Variants in CPEB2 observed in about 807,000 individuals in gnomAD.
CPEB2 encodes cytoplasmic polyadenylation element-binding protein 2.
Under a neutral mutation model 93.6 loss-of-function variants are expected in CPEB2, and 56 were observed. That is an observed-to-expected ratio of 0.60 (90% CI 0.48 to 0.75). The LOEUF (loss-of-function observed/expected upper bound fraction) is 0.75, where lower values mean the gene tolerates loss of function less well. CPEB2 is among the 30% of genes least tolerant of loss of function. The pLI is 0.00. For missense variants in CPEB2, 1,579 were observed against 1,395.1 expected (o/e 1.13, Z -2.10); for synonymous variants, 764 against 586.3 (o/e 1.30, Z -4.38).
At chr4:15,055,505 A>G (rs1173687299) in intron 8 of CPEB2, among the ~76,000 whole-genome samples, 1 of 152,134 alleles carries the variant, frequency 6.6e-6, no homozygotes, top group Non-Finnish European at 1.5e-5. Flanking sequence ...GTATTGAGTT[A>G]TTTTGTAATG....
At chr4:15,016,415 A>C (rs891577097) in intron 3 of CPEB2, among the ~76,000 whole-genome samples, 3 of 151,994 alleles carry the variant, frequency 2.0e-5, no homozygotes, top group African/African-American at 7.2e-5. Flanking sequence ...TCAAATAAGC[A>C]AGTGAAGGGA....
intron 6 of CPEB2, among the ~76,000 whole-genome samples, chr4:15,048,359 G>A (rs552867513): frequency 5.3e-5 from 8 of 151,700 alleles, no homozygotes; most frequent in Admixed American, 2.0e-4. Context: ...TTTCTCTGTC[G>A]GAAGATTTTT....
chr4:15,008,450 T>C lies in CPEB2; in HGVS notation c.2034+23T>C, dbSNP rs1011002516. On this transcript the variant is annotated intron_variant, in intron 3 of 11. Coordinates refer to ENST00000538197, the MANE Select transcript of CPEB2 (RefSeq NM_001177382.2). ...CAGGTAGGCTGCACAGTGTATACTT[T>C]TTAGGATTTCGGTTAGGAGTTTAGT... 4 of 1,547,876 alleles carry C rather than the reference T, an allele frequency of 2.6e-6. No individual in the cohort carries two copies. In the African/African-American group the frequency reaches 4.1e-5, roughly 16 times the overall value.
chr4:15,054,256 T>C (rs189416213), intron 8 of CPEB2, 39 bp downstream of exon 8: 415 of 1,441,400 alleles, frequency 2.9e-4, no homozygotes, highest in Non-Finnish European at 3.5e-4. Context: ...AGGAAATTGG[T>C]TGTATGAGAG....
At chr4:15,012,537 G>T (rs1355398075) in intron 3 of CPEB2, among the ~76,000 whole-genome samples, 1 of 152,134 alleles carries the variant, frequency 6.6e-6, no homozygotes. Flanking sequence ...GGTTATCTAT[G>T]TAGAACAACT....
At chr4:15,017,643 A>G (rs1724323388) in intron 4 of CPEB2, among the ~76,000 whole-genome samples, 1 of 151,882 alleles carries the variant, frequency 6.6e-6, no homozygotes, top group African/African-American at 2.4e-5. Flanking sequence ...CAGTGATTCC[A>G]GCCTAGAATT....
At chr4:15,065,398 G>A (rs1039976841) in intron 11 of CPEB2, among the ~76,000 whole-genome samples, 4 of 152,034 alleles carry the variant, frequency 2.6e-5, no homozygotes, top group Admixed American at 6.6e-5. Context: ...CATTCATAAA[G>A]TTATCACAAG....
At chr4:15,020,244 C>A (rs901096594) in intron 4 of CPEB2, among the ~76,000 whole-genome samples, 1 of 152,070 alleles carries the variant, frequency 6.6e-6, no homozygotes, top group African/African-American at 2.4e-5. Flanking sequence ...CATAGATCAG[C>A]TCTGCTCAAT....
chr4:15,059,108 A>G (rs1011524975), intron 9 of CPEB2, 79 bp from the exon 10 acceptor site: 8 of 782,824 alleles, frequency 1.0e-5, no homozygotes, highest in East Asian at 5.1e-5. Flanking sequence ...AAGAATCACT[A>G]TTAACTGGCA....
chr4:15,010,172 T>G (rs551441846), intron 3 of CPEB2, among the ~76,000 whole-genome samples: 2 of 152,164 alleles, frequency 1.3e-5, no homozygotes, highest in Admixed American at 1.3e-4. Context: ...CCTCATAATC[T>G]TTATGACATT....
In CPEB2 at chr4:15,003,594, G is replaced by A; in HGVS notation, c.921G>A (p.Val307=). 6.8e-7 allele frequency: 1 copy of A among 1,476,270 alleles called. No individual in the cohort carries two copies. Among genetic ancestry groups the A allele is most frequent in the Non-Finnish European group, 8.9e-7 (1 of 1,117,926 alleles). 91.4% of individuals were successfully genotyped at this position (1,476,270 alleles called of 1,614,324 possible). A position where few individuals can be genotyped will look rare whatever the true frequency, so the allele number is the denominator to read the frequency against. The change falls in exon 1 of 12, where the codon GTG becomes GTA. Residue 307 remains valine (V), a synonymous_variant. Coordinates refer to ENST00000538197, the MANE Select transcript of CPEB2 (RefSeq NM_001177382.2). ...PNAGLASSTP[V]NPAPGSMESP... is the part of the protein sequence containing the mutation. ...CGGGCTTGGCCTCCTCGACGCCGGTGAACCCCGCGCCGGGCTCCATGGAGT... is the reference window on the plus strand; with the variant it reads ...CGGGCTTGGCCTCCTCGACGCCGGTAAACCCCGCGCCGGGCTCCATGGAGT...
chr4:15,003,972 C>T lies in CPEB2; in HGVS notation c.1299C>T (p.Gly433=), dbSNP rs770226810. Residue 433 remains glycine (G), a synonymous_variant, in exon 1 of 12, where the codon GGC becomes GGT. Coordinates refer to ENST00000538197, the MANE Select transcript of CPEB2 (RefSeq NM_001177382.2). ...CCACCCCGGGCGGCGGCAGCGGCGG[C>T]TCGCTCAGCGCCATGCCGCCGCCCA... ...SATTPGGGSG[G]SLSAMPPPSP... 1 of 1,386,928 alleles carries T rather than the reference C, an allele frequency of 7.2e-7. No homozygotes were observed. The highest frequency in any genetic ancestry group is 3.0e-5 in the East Asian group (1 of 32,840). The allele number at this position is 1,386,928 out of a possible 1,614,324, so 85.9% of individuals were successfully genotyped here. A position where few individuals can be genotyped will look rare whatever the true frequency, so the allele number is the denominator to read the frequency against.
At chr4:15,056,297 G>A (rs188451202) in intron 8 of CPEB2, among the ~76,000 whole-genome samples, 1 of 152,236 alleles carries the variant, frequency 6.6e-6, no homozygotes, top group African/African-American at 2.4e-5. Flanking sequence ...TTCCAGGCAG[G>A]AATGGAAATA....
In CPEB2 at chr4:15,003,858, G is replaced by C. The variant is rs1296400706; in HGVS notation, c.1185G>C (p.Gln395His). ...CCGCGTCGCCGCCACCCCAGCCCCA[G>C]CAGCCGCCGCCGACCCAGCCGCAGC... ...VQTASPPPQPQQPPPTQPQQQ... is the reference protein window; with the variant it reads ...VQTASPPPQPHQPPPTQPQQQ... Residue 395 changes from glutamine (Q) to histidine (H), a missense_variant, in exon 1 of 12, where the codon CAG becomes CAC. Gln to His is a conservative substitution (Grantham distance 24, BLOSUM62 0). This residue lies in a region of CPEB2 where 1,411 missense variants were observed against 1,056.0 expected (regional missense o/e 1.34). Transcript: ENST00000538197. 6 of 853,500 alleles carry C rather than the reference G, an allele frequency of 7.0e-6. No individual in the cohort carries two copies. The African/African-American group carries it at 7.4e-5, about 10-fold the overall frequency. 52.9% of individuals were successfully genotyped at this position (853,500 alleles called of 1,614,324 possible). A position where few individuals can be genotyped will look rare whatever the true frequency, so the allele number is the denominator to read the frequency against.
At position 15,003,704 on chromosome 4, in the gene CPEB2, G is replaced by T. The variant is rs1376489675; in HGVS notation, c.1031G>T (p.Ser344Ile). 2.1e-6 allele frequency: 3 copies of T among 1,396,348 alleles called. No homozygotes were observed. The highest frequency in any genetic ancestry group is 3.1e-5 in the South Asian group (2 of 64,194). The allele number at this position is 1,396,348 out of a possible 1,614,324, so 86.5% of individuals were successfully genotyped here. A position where few individuals can be genotyped will look rare whatever the true frequency, so the allele number is the denominator to read the frequency against. Residue 344 changes from serine to isoleucine, a missense_variant, in exon 1 of 12, where the codon AGC (serine) becomes ATC (isoleucine). Transcript: ENST00000538197. Reference protein sequence around the residue: ...LGAGAFSSLQSPDLPHPGGGG... With the variant: ...LGAGAFSSLQIPDLPHPGGGG... Reference sequence around the variant, plus strand: ...GCGGGCGCCTTCAGCAGCCTGCAGAGCCCGGACCTTCCACACCCGGGCGGC... The same window carrying T: ...GCGGGCGCCTTCAGCAGCCTGCAGATCCCGGACCTTCCACACCCGGGCGGC...
intron 4 of CPEB2, among the ~76,000 whole-genome samples, chr4:15,025,984 C>T (rs1725411735): frequency 6.6e-6 from 1 of 152,066 alleles, no homozygotes; most frequent in Non-Finnish European, 1.5e-5. Context: ...TTTGAGACAC[C>T]TCTTTCAAAT....
intron 10 of CPEB2, among the ~76,000 whole-genome samples, chr4:15,060,448 G>T (rs1729083009): frequency 6.6e-6 from 1 of 152,144 alleles, no homozygotes; most frequent in East Asian, 1.9e-4. Context: ...CAATCCAGGA[G>T]ATAGACAATG....
intron 6 of CPEB2, among the ~76,000 whole-genome samples, chr4:15,041,239 A>G (rs903920713): frequency 6.6e-6 from 1 of 152,176 alleles, no homozygotes; most frequent in East Asian, 1.9e-4. Context: ...GATGAGAGGA[A>G]GCAAAAGTAT....
chr4:15,012,455 C>A (rs1460274673), intron 3 of CPEB2, among the ~76,000 whole-genome samples: 1 of 151,944 alleles, frequency 6.6e-6, no homozygotes, highest in Admixed American at 6.6e-5. Context: ...GTTTTAATTA[C>A]CCTTAGAATA....
Sources: allele counts gnomAD v4.1 joint callset (sites outside exome capture counted in the v4.1 genomes callset), GRCh38; gene constraint gnomAD v4.1.1; regional missense constraint gnomAD v4.1.1; transcripts MANE v1.5; gene names NCBI Gene and HGNC (gene_info 2026-07-23, HGNC 2026-07-21).